SLC12A8: variants seen among roughly 807,000 people sequenced by gnomAD.
The protein encoded by SLC12A8 is solute carrier family 12 member 8, also known as cation-chloride cotransporter 9.
In SLC12A8, 69 loss-of-function variants were observed where a neutral mutation model predicts 75.6. The ratio of observed to expected loss-of-function variants is 0.91; its 90% CI spans 0.75 to 1.11. SLC12A8 has a LOEUF of 1.11. Among genes scored for constraint, SLC12A8 ranks in the 50% most tolerant of loss-of-function variants. The pLI, the probability that SLC12A8 is intolerant of heterozygous loss-of-function variation, is 0.00. For missense variants in SLC12A8, 877 were observed against 896.7 expected, an observed-to-expected ratio of 0.98 and a Z score of 0.28; for synonymous variants, 365 against 372.8, an observed-to-expected ratio of 0.98 and a Z score of 0.24.
Position 125,135,757 on chromosome 3 carries a change from G to A in SLC12A8, c.648C>T (p.Pro216=), listed in dbSNP as rs1272433565. 47 of 1,604,400 alleles carry A rather than the reference G, an allele frequency of 2.9e-5. No individual in the cohort carries two copies. Among genetic ancestry groups the A allele is most frequent in the Non-Finnish European group, 2.9e-5 (34 of 1,175,056 alleles). ...GCAGCGTGTTGTTCTGTAGCAGTTCGGGTGAATATCCAATGAAACCATGTT... is the reference window on the plus strand; with the variant it reads ...GCAGCGTGTTGTTCTGTAGCAGTTCAGGTGAATATCCAATGAAACCATGTT... ...DPEHGFIGYS[P]ELLQNNTLPD... The change falls in exon 6 of 14, where the codon CCC becomes CCT. Residue 216 remains proline, a synonymous_variant. Coordinates refer to ENST00000469902, the MANE Select transcript of SLC12A8 (RefSeq NM_024628.6).
intron 5 of SLC12A8, among the ~76,000 whole-genome samples, chr3:125,145,428 A>G (rs969071469): frequency 6.6e-6 from 1 of 152,270 alleles, no homozygotes; most frequent in African/African-American, 2.4e-5. Context: ...ATGGATAAAC[A>G]AAATGTGGTA....
chr3:125,165,012 G>A lies in SLC12A8; in HGVS notation c.622+12731C>T, dbSNP rs377644025. On this transcript the variant is annotated intron_variant, in intron 5 of 13. Coordinates refer to ENST00000469902, the MANE Select transcript of SLC12A8 (RefSeq NM_024628.6). ...CTATTCTGAGACTTTCTTCCTCTCT[G>A]CTGGGCCAGGAAGGTGGCTGGAGAC... Among the ~76,000 whole-genome samples the A allele has an allele frequency of 1.1e-4, 17 of 152,344 alleles. No homozygotes were observed. In the South Asian group the frequency reaches 3.5e-3, roughly 32 times the overall value.
At chr3:125,154,426 T>C (rs2107773683) in intron 5 of SLC12A8, among the ~76,000 whole-genome samples, 1 of 152,284 alleles carries the variant, frequency 6.6e-6, no homozygotes, top group Middle Eastern at 3.4e-3. Flanking sequence ...ATCTAACCTC[T>C]CTGAACATCA....
chr3:125,163,829 G>T (rs1440281667), intron 5 of SLC12A8, among the ~76,000 whole-genome samples: 1 of 152,198 alleles, frequency 6.6e-6, no homozygotes, highest in Admixed American at 6.5e-5. Flanking sequence ...GGCTGGGGCC[G>T]AGCAGCTGGG....
rs866169708 is a variant in SLC12A8, at chr3:125,107,738, T to A, written c.1448A>T (p.Asn483Ile). Residue 483 changes from asparagine (N) to isoleucine (I), a missense_variant, in exon 10 of 14, where the codon AAC (asparagine) becomes ATC (isoleucine). By Grantham distance (149) the Asn-to-Ile change is moderately radical. Transcript: ENST00000469902. ...CCTCTTCTGACTTTCTGGGGTCCTG[T>A]TACCCTCTCCTTGCCTGGGCTGGCT... The part of the protein sequence containing the change: ...ESSQPRQGEG[N>I]RTPESQKRKS... 6.2e-7 allele frequency: 1 copy of A among 1,614,172 alleles called. No homozygotes were observed.
chr3:125,212,169 C>A (rs1216942154), intron 1 of SLC12A8, among the ~76,000 whole-genome samples: 1 of 151,918 alleles, frequency 6.6e-6, no homozygotes, highest in African/African-American at 2.4e-5. Flanking sequence ...AGGACAGCAG[C>A]CAGCGCTGGC....
chr3:125,093,801 T>C (rs541975375), intron 10 of SLC12A8, among the ~76,000 whole-genome samples: 2 of 152,338 alleles, frequency 1.3e-5, no homozygotes, highest in East Asian at 1.9e-4. Flanking sequence ...CCATCCTCTC[T>C]GGTCACTGTT....
intron 5 of SLC12A8, among the ~76,000 whole-genome samples, chr3:125,155,871 T>G (rs1484795338): frequency 1.3e-5 from 2 of 148,534 alleles, no homozygotes; most frequent in Non-Finnish European, 3.0e-5. Context: ...AAACCCAACT[T>G]CGTAACTCCA....
At chr3:125,095,038 T>G (rs1310033203) in intron 10 of SLC12A8, among the ~76,000 whole-genome samples, 1 of 152,248 alleles carries the variant, frequency 6.6e-6, no homozygotes, top group Non-Finnish European at 1.5e-5. Context: ...CTGAAAATAT[T>G]GGAGTATTCC....
intron 10 of SLC12A8, among the ~76,000 whole-genome samples, 186 bp downstream of exon 10, chr3:125,107,295 A>G (rs1939051685): frequency 6.6e-6 from 1 of 152,254 alleles, no homozygotes; most frequent in South Asian, 2.1e-4. Flanking sequence ...AAAATTAACT[A>G]TCTATAACAG....
intron 6 of SLC12A8, among the ~76,000 whole-genome samples, chr3:125,125,631 A>G (rs1933186801): frequency 6.6e-6 from 1 of 152,204 alleles, no homozygotes; most frequent in Non-Finnish European, 1.5e-5. Flanking sequence ...TACCCTAGCG[A>G]TCATCTACTC....
intron 5 of SLC12A8, among the ~76,000 whole-genome samples, chr3:125,145,233 T>C (rs1381304483): frequency 6.6e-6 from 1 of 152,214 alleles, no homozygotes; most frequent in African/African-American, 2.4e-5. Context: ...TCCCCATCTC[T>C]CTGCTGTTAC....
chr3:125,160,389 G>C (rs541804455), intron 5 of SLC12A8, among the ~76,000 whole-genome samples: 15 of 152,334 alleles, frequency 9.8e-5, no homozygotes, highest in Non-Finnish European at 1.6e-4. Context: ...AAAAATCAGT[G>C]CCCGGCATAT....
chr3:125,182,140 C>G (rs955130506), intron 4 of SLC12A8, among the ~76,000 whole-genome samples: 3 of 152,190 alleles, frequency 2.0e-5, no homozygotes, highest in Admixed American at 6.5e-5. Flanking sequence ...GCCTGGGTAA[C>G]ATGTCAAAAC....
chr3:125,126,888 G>A (rs1473074167), intron 6 of SLC12A8, among the ~76,000 whole-genome samples: 1 of 146,126 alleles, frequency 6.8e-6, no homozygotes, highest in Non-Finnish European at 1.5e-5. Flanking sequence ...CTCATCTGCT[G>A]CCTTTTTTTT....
chr3:125,118,781 C>A lies in SLC12A8; in HGVS notation c.900G>T (p.Leu300=). ...AGGCCTCACTCACCTTTTCCGCTAT[C>A]AGGAAGTCATAGCGAAGGGCCTCTC... The part of the protein sequence containing the change: ...CTREALRYDF[L]IAEKVSLMGF... The change falls in exon 8 of 14, where the codon CTG becomes CTT. Residue 300 remains leucine, a synonymous_variant. Transcript: ENST00000469902. 3 of 1,613,206 alleles carry A rather than the reference C, an allele frequency of 1.9e-6. No individual in the cohort carries two copies. The highest frequency in any genetic ancestry group is 2.5e-6 in the Non-Finnish European group (3 of 1,179,296).
At chr3:125,116,393 T>A (rs1249551825) in intron 8 of SLC12A8, among the ~76,000 whole-genome samples, 1 of 152,164 alleles carries the variant, frequency 6.6e-6, no homozygotes, top group Non-Finnish European at 1.5e-5. Flanking sequence ...ATAATTACAT[T>A]CCCAAGTGTC....
chr3:125,087,387 C>T (rs1938487196), intron 13 of SLC12A8, among the ~76,000 whole-genome samples: 1 of 152,100 alleles, frequency 6.6e-6, no homozygotes, highest in Admixed American at 6.6e-5. Context: ...GCCACCACGC[C>T]CAGCCCTATT....
At chr3:125,197,429 T>C (rs1935029165) in intron 2 of SLC12A8, among the ~76,000 whole-genome samples, 1 of 152,084 alleles carries the variant, frequency 6.6e-6, no homozygotes, top group Admixed American at 6.6e-5. Flanking sequence ...GTATCTGGGA[T>C]TACAGGTATG....
Sources: allele counts gnomAD v4.1 joint callset (sites outside exome capture counted in the v4.1 genomes callset), GRCh38; gene constraint gnomAD v4.1.1; transcripts MANE v1.5; gene names NCBI Gene and HGNC (gene_info 2026-07-23, HGNC 2026-07-21).